PLCXD3: variants seen among roughly 807,000 people sequenced by gnomAD.
PLCXD3 encodes the protein PI-PLC X domain-containing protein 3.
A neutral mutation model predicts 25.5 loss-of-function variants in PLCXD3; 19 were observed. The ratio of observed to expected loss-of-function variants is 0.75; its 90% CI spans 0.52 to 1.09. The LOEUF (loss-of-function observed/expected upper bound fraction) is 1.09. Among genes scored for constraint, PLCXD3 ranks in the 50% least tolerant of loss-of-function variants. The probability of loss-of-function intolerance (pLI) is 0.00; values close to 1 mark genes in which losing one functional copy is unlikely to be tolerated. For missense variants in PLCXD3, 411 were observed against 388.1 expected (o/e 1.06, Z -0.50); for synonymous variants, 174 against 137.6 (o/e 1.26, Z -1.85).
intron 1 of PLCXD3, among the ~76,000 whole-genome samples, chr5:41,496,141 G>T (rs1748831803): frequency 1.3e-5 from 2 of 151,908 alleles, no homozygotes; most frequent in African/African-American, 4.8e-5. Flanking sequence ...CTAACTTGAG[G>T]ATAGATCATT....
chr5:41,313,810 A>G (rs371062202), intron 2 of PLCXD3, 40 bp from the exon 3 acceptor site: 1 of 1,528,556 alleles, frequency 6.5e-7, no homozygotes, highest in African/African-American at 1.4e-5. Context: ...AGAAGGCAAG[A>G]TACTATTTTT....
At chr5:41,504,363 C>T (rs1321825507) in intron 1 of PLCXD3, among the ~76,000 whole-genome samples, 1 of 152,176 alleles carries the variant, frequency 6.6e-6, no homozygotes, top group African/African-American at 2.4e-5. Context: ...ATTTGTCCCA[C>T]ATATTTTCCT....
intron 1 of PLCXD3, among the ~76,000 whole-genome samples, chr5:41,436,877 G>A (rs487764): frequency 0.74 from 112,504 of 151,926 alleles, 42,278 homozygotes; most frequent in Admixed American, 0.81. Context: ...TTAATTTCAT[G>A]TATTCTATAC....
intron 2 of PLCXD3, among the ~76,000 whole-genome samples, chr5:41,323,068 A>G (rs905671611): frequency 1.3e-5 from 2 of 152,230 alleles, no homozygotes; most frequent in Non-Finnish European, 2.9e-5. Context: ...GTCATTTGCA[A>G]CGACATGCAT....
chr5:41,498,993 G>T (rs1036442327), intron 1 of PLCXD3, among the ~76,000 whole-genome samples: 6 of 151,390 alleles, frequency 4.0e-5, no homozygotes, highest in African/African-American at 1.5e-4. Flanking sequence ...TTAGATATAA[G>T]AGAAATATAC....
rs567727723 is a variant in PLCXD3 at position 41,446,159 on chromosome 5, G to A, written c.104-63625C>T. Among the ~76,000 whole-genome samples the A allele has an allele frequency of 4.0e-5, 4 of 100,868 alleles. No homozygotes were observed. In the South Asian group the frequency reaches 1.5e-3, roughly 38 times the overall value. 66.2% of individuals were successfully genotyped at this position (100,868 alleles called of 152,430 possible). On this transcript the variant is annotated intron_variant, in intron 1 of 2. Transcript: ENST00000377801. ...GCCACAGCACTCCAGTCTGGGCGAC[G>A]GAGCCAGACTCCTTCTCAAAAAAAA...
intron 2 of PLCXD3, among the ~76,000 whole-genome samples, chr5:41,326,156 A>G (rs1417786676): frequency 1.3e-5 from 2 of 152,198 alleles, no homozygotes; most frequent in Non-Finnish European, 2.9e-5. Context: ...TAAGTCACCT[A>G]TCTTTCTATC....
At chr5:41,376,622 CT>C (rs1325288296) in intron 2 of PLCXD3, among the ~76,000 whole-genome samples, 1 of 152,142 alleles carries the variant, frequency 6.6e-6, no homozygotes, top group Non-Finnish European at 1.5e-5. Flanking sequence ...GAAGCTACCC[CT>C]ATCCATCTCT....
intron 1 of PLCXD3, among the ~76,000 whole-genome samples, chr5:41,449,536 A>C (rs913878421): frequency 6.6e-6 from 1 of 152,180 alleles, no homozygotes; most frequent in African/African-American, 2.4e-5. Flanking sequence ...ATTTTAGTGC[A>C]AGTAGTTTAT....
At chr5:41,428,628 TTTTTGTTA>T (rs1283011432) in intron 1 of PLCXD3, among the ~76,000 whole-genome samples, 1 of 151,990 alleles carries the variant, frequency 6.6e-6, no homozygotes, top group African/African-American at 2.4e-5. Flanking sequence ...AGCCACTCCA[TTTTTGTTA>T]TTTTGTTATG....
At chr5:41,403,579 A>G (rs1746267780) in intron 1 of PLCXD3, among the ~76,000 whole-genome samples, 1 of 76,982 alleles carries the variant, frequency 1.3e-5, no homozygotes, top group Admixed American at 1.5e-4. Context: ...CACAGTCCCC[A>G]GAGTGTGATA....
At chr5:41,499,671 C>T (rs1458180986) in intron 1 of PLCXD3, among the ~76,000 whole-genome samples, 2 of 151,600 alleles carry the variant, frequency 1.3e-5, no homozygotes, top group Non-Finnish European at 3.0e-5. Flanking sequence ...ACATAGGACT[C>T]CAAAAACCCT....
chr5:41,473,692 G>A (rs969272593), intron 1 of PLCXD3, among the ~76,000 whole-genome samples: 4 of 151,980 alleles, frequency 2.6e-5, no homozygotes, highest in Admixed American at 6.6e-5. Context: ...TCCTGACCTC[G>A]TGATCTGCTG....
intron 2 of PLCXD3, among the ~76,000 whole-genome samples, chr5:41,327,366 T>G (rs1328688423): frequency 6.6e-6 from 1 of 152,056 alleles, no homozygotes; most frequent in Non-Finnish European, 1.5e-5. Context: ...AAATAAAGGT[T>G]TGTCCAATTA....
intron 2 of PLCXD3, among the ~76,000 whole-genome samples, chr5:41,341,260 C>G (rs935053543): frequency 6.6e-6 from 1 of 152,152 alleles, no homozygotes; most frequent in Admixed American, 6.5e-5. Flanking sequence ...CATGTCTACA[C>G]TGCCATGCTA....
chr5:41,383,809 T>G (rs1745555473), intron 1 of PLCXD3, among the ~76,000 whole-genome samples: 1 of 151,648 alleles, frequency 6.6e-6, no homozygotes, highest in Admixed American at 6.6e-5. Context: ...AACCTTAAGT[T>G]TATCCATACA....
chr5:41,321,136 A>G lies in PLCXD3; in HGVS notation c.813-7366T>C, dbSNP rs555390944. Among the ~76,000 whole-genome samples the G allele has an allele frequency of 2.0e-5, 3 of 152,358 alleles. No individual in the cohort carries two copies. In the East Asian group the frequency reaches 5.8e-4, roughly 29 times the overall value. ...AGAGAAAGACACAAAATGCTTCCAA[A>G]TTGAAAAGAAAGTCAAATGTCCCTT... On this transcript the variant is annotated intron_variant, in intron 2 of 2. Transcript: ENST00000377801.
chr5:41,505,982 C>G (rs1209990439), intron 1 of PLCXD3, among the ~76,000 whole-genome samples: 5 of 152,080 alleles, frequency 3.3e-5, no homozygotes, highest in African/African-American at 1.2e-4. Context: ...ACATAAAAGC[C>G]CTCTTTAGAG....
At chr5:41,458,136 G>A (rs762954700) in intron 1 of PLCXD3, among the ~76,000 whole-genome samples, 4 of 151,810 alleles carry the variant, frequency 2.6e-5, no homozygotes, top group African/African-American at 9.7e-5. Context: ...CTCATCCCAC[G>A]CCTGCTAATG....
Sources: gnomAD v4.1 joint callset for allele counts (sites outside exome capture counted in the v4.1 genomes callset) on GRCh38, gnomAD v4.1.1 for gene constraint, MANE v1.5 for transcripts, NCBI Gene and HGNC (gene_info 2026-07-23, HGNC 2026-07-21) for gene names.